Variants in CEP170B observed in about 807,000 individuals in gnomAD.
CEP170B encodes centrosomal protein 170B, also known as centrosomal protein of 170 kDa protein B.
In CEP170B, 55 loss-of-function variants were observed where a neutral mutation model predicts 120.6. The observed-to-expected ratio is 0.46, with a 90% CI of 0.37 to 0.57. CEP170B has a LOEUF of 0.57. Ranked by LOEUF, CEP170B falls within the 20% of genes least tolerant of loss-of-function variation. The pLI, the probability that CEP170B is intolerant of heterozygous loss-of-function variation, is 0.00. For missense variants in CEP170B, 2,212 were observed against 2,253.3 expected, an observed-to-expected ratio of 0.98 and a Z score of 0.37; for synonymous variants, 1,033 against 954.5, an observed-to-expected ratio of 1.08 and a Z score of -1.52.
intron 9 of CEP170B, 110 bp from the exon 10 acceptor site, chr14:104,885,259 G>A: frequency 9.3e-6 from 12 of 1,296,682 alleles, no homozygotes; most frequent in Non-Finnish European, 1.0e-5. Context: ...AGCCACTCTG[G>A]CCAACCAGGT....
Position 104,884,112 on chromosome 14 carries a change from C to A in CEP170B, c.1333C>A (p.Arg445Ser). 1 of 1,574,444 alleles carries A rather than the reference C, an allele frequency of 6.4e-7. No individual in the cohort carries two copies. The highest frequency in any genetic ancestry group is 8.6e-7 in the Non-Finnish European group (1 of 1,160,660). ...RRGPTPADRD[R>S]PSVPAPVQAG... Reference sequence around the variant, plus strand: ...TGGCCCAACGCCGGCCGATAGGGACCGCCCCAGTGTCCCAGCCCCAGTCCA... The same window carrying A: ...TGGCCCAACGCCGGCCGATAGGGACAGCCCCAGTGTCCCAGCCCCAGTCCA... The change falls in exon 9 of 19, where the codon CGC (arginine) becomes AGC (serine). Residue 445 changes from arginine to serine, a missense_variant. Around this residue, in one of 2 missense-constraint regions of CEP170B, gnomAD observed 2,166 missense variants for 2,166.7 expected, o/e 1.00. Coordinates refer to ENST00000414716, the MANE Select transcript of CEP170B (RefSeq NM_001112726.3).
chr14:104,874,999 G>A (rs1895762754), intron 2 of CEP170B, among the ~76,000 whole-genome samples: 1 of 152,222 alleles, frequency 6.6e-6, no homozygotes, highest in Non-Finnish European at 1.5e-5. Flanking sequence ...AGTTAGGAAG[G>A]AGGCCCTGCC....
chr14:104,886,393 CAGG>C lies in CEP170B; in HGVS notation c.2160_2162del (p.Arg720del). ...ACAGCCCTGCGGGCCCAGAGAGCAG[CAGG>C]AGGAGTGGGCCTGGGCCACCGGAGC... On this transcript the variant is annotated inframe_deletion, in exon 12 of 19. Transcript: ENST00000414716. The C allele has an allele frequency of 2.5e-6, 4 of 1,582,950 alleles. No homozygotes were observed. The highest frequency in any genetic ancestry group is 2.3e-5 in the South Asian group (2 of 86,828).
At chr14:104,883,798 G>T in intron 8 of CEP170B, 33 bp from the exon 9 acceptor site, 1 of 1,494,138 alleles carries the variant, frequency 6.7e-7, no homozygotes. Context: ...CTTTCTCTCG[G>T]CCTGACAAGG....
Position 104,867,842 on chromosome 14 carries a change from C to T in CEP170B, c.-27-582C>T, listed in dbSNP as rs1373347891. ...CACCAAAGGACATTTGGCCTCCTCTCGGTGGTGGACATATTGCTGACTCAG... is the reference window on the plus strand; with the variant it reads ...CACCAAAGGACATTTGGCCTCCTCTTGGTGGTGGACATATTGCTGACTCAG... On this transcript the variant is annotated intron_variant, in intron 1 of 18. Coordinates refer to ENST00000414716, the MANE Select transcript of CEP170B (RefSeq NM_001112726.3). The surrounding 1 kb of genome is among the most constrained non-coding windows in gnomAD (Gnocchi z 5.4). Among the ~76,000 whole-genome samples the T allele has an allele frequency of 1.3e-5, 2 of 152,076 alleles. No individual in the cohort carries two copies. Among genetic ancestry groups the T allele is most frequent in the East Asian group, 1.9e-4 (1 of 5,190 alleles).
chr14:104,877,812 CA>C, intron 3 of CEP170B, 72 bp from the exon 4 acceptor site: 1 of 653,724 alleles, frequency 1.5e-6, no homozygotes. Flanking sequence ...TCAGCCCCAC[CA>C]CCCTGCGGCC....
rs1424254501 is a variant in CEP170B, at chr14:104,884,376, C to T, written c.1597C>T (p.His533Tyr). ...PPVLPAPLTP[H>Y]GTSPVGPPTP... is the part of the protein sequence containing the mutation. ...GGTGCTGCCCGCTCCCCTGACACCC[C>T]ATGGGACCAGCCCCGTGGGCCCCCC... is the stretch of plus-strand genomic sequence containing the variant. Residue 533 changes from histidine (H) to tyrosine (Y), a missense_variant, in exon 9 of 19, where the codon CAT becomes TAT. Around this residue, in one of 2 missense-constraint regions of CEP170B, gnomAD observed 2,166 missense variants for 2,166.7 expected, o/e 1.00. Transcript: ENST00000414716. The T allele has an allele frequency of 6.5e-7, 1 of 1,547,140 alleles. No homozygotes were observed. The highest frequency in any genetic ancestry group is 8.7e-7 in the Non-Finnish European group (1 of 1,146,308).
At position 104,895,167 on chromosome 14, in the gene CEP170B, A is replaced by C. The variant is rs1458890009; in HGVS notation, c.*209A>C. 119 of 492,988 alleles carry C rather than the reference A, an allele frequency of 2.4e-4. No homozygotes were observed. Among genetic ancestry groups the C allele is most frequent in the African/African-American group, 1.0e-3 (44 of 41,988 alleles). 30.5% of individuals were successfully genotyped at this position (492,988 alleles called of 1,614,324 possible). On this transcript the variant is annotated 3_prime_UTR_variant, in exon 19 of 19. Coordinates refer to ENST00000414716, the MANE Select transcript of CEP170B (RefSeq NM_001112726.3). ...CCTGTCCAGCCCCATGGCCACCCCC[A>C]CCCCTGCCTCGCCCCCTACAGGCCT...
Position 104,889,606 on chromosome 14 carries a change from C to A in CEP170B, c.3740-14C>A. The A allele has an allele frequency of 6.2e-7, 1 of 1,609,740 alleles. No homozygotes were observed. On this transcript the variant is annotated splice_polypyrimidine_tract_variant and intron_variant, in intron 12 of 18. Coordinates refer to ENST00000414716, the MANE Select transcript of CEP170B (RefSeq NM_001112726.3). ...ACGGCTCCCCCAAACACACACGCTC[C>A]CACACCTCAACAGCCACTCAGACCC...
At chr14:104,888,682 T>A (rs1276157161) in intron 12 of CEP170B, among the ~76,000 whole-genome samples, 4 of 152,186 alleles carry the variant, frequency 2.6e-5, no homozygotes, top group African/African-American at 9.7e-5. Context: ...TGGTTTGAGG[T>A]CAAGGTGCTG....
Position 104,884,226 on chromosome 14 carries a change from T to C in CEP170B, c.1447T>C (p.Ser483Pro), listed in dbSNP as rs1896325331. Reference protein sequence around the residue: ...EERLGSPSPASRTPARPFGSV... With the variant: ...EERLGSPSPAPRTPARPFGSV... ...ACGGCTGGGCAGCCCCTCGCCCGCC[T>C]CCCGAACCCCTGCCCGCCCCTTCGG... is the stretch of plus-strand genomic sequence containing the variant. The change falls in exon 9 of 19, where the codon TCC becomes CCC. Residue 483 changes from serine (S) to proline (P), a missense_variant. Around this residue, in one of 2 missense-constraint regions of CEP170B, gnomAD observed 2,166 missense variants for 2,166.7 expected, o/e 1.00. Coordinates refer to ENST00000414716, the MANE Select transcript of CEP170B (RefSeq NM_001112726.3). 6.5e-7 allele frequency: 1 copy of C among 1,542,036 alleles called. No individual in the cohort carries two copies. The highest frequency in any genetic ancestry group is 8.7e-7 in the Non-Finnish European group (1 of 1,146,654).
rs1286225373 is a variant in CEP170B, at chr14:104,896,556, C to G, written c.*1598C>G. ...TTTAAGTTCACAAGTTCCTGCTCCT[C>G]CCCACACTGAGCTCCTTTGTTCCTC... On this transcript the variant is annotated 3_prime_UTR_variant, in exon 19 of 19. Coordinates refer to ENST00000414716, the MANE Select transcript of CEP170B (RefSeq NM_001112726.3). 1 of 456,034 alleles carries G rather than the reference C, an allele frequency of 2.2e-6. No individual in the cohort carries two copies. The highest frequency in any genetic ancestry group is 4.4e-6 in the Non-Finnish European group (1 of 226,898). 28.2% of individuals were successfully genotyped at this position (456,034 alleles called of 1,614,324 possible). A position where few individuals can be genotyped will look rare whatever the true frequency, so the allele number is the denominator to read the frequency against.
intron 13 of CEP170B, among the ~76,000 whole-genome samples, chr14:104,890,981 ATGGATGGG>A: frequency 2.0e-5 from 1 of 49,994 alleles, no homozygotes; most frequent in South Asian, 8.0e-4. Context: ...GGGTGTGTGG[ATGGATGGG>A]TGGGTGGGTG....
Position 104,884,565 on chromosome 14 carries a change from G to C in CEP170B, c.1770+16G>C. On this transcript the variant is annotated intron_variant, in intron 9 of 18. Transcript: ENST00000414716. ...GATCGACCAGGTGCAGCCCAGCGGC[G>C]AGTGAGAGCCCTCGTGGGGAACGGG... is the stretch of plus-strand genomic sequence containing the variant. 6.6e-7 allele frequency: 1 copy of C among 1,510,226 alleles called. No individual in the cohort carries two copies. Among genetic ancestry groups the C allele is most frequent in the Non-Finnish European group, 8.9e-7 (1 of 1,125,380 alleles). The allele number at this position is 1,510,226 out of a possible 1,614,324, so 93.6% of individuals were successfully genotyped here.
chr14:104,873,644 C>T (rs555898793), intron 2 of CEP170B, among the ~76,000 whole-genome samples: 1 of 152,070 alleles, frequency 6.6e-6, no homozygotes, highest in South Asian at 2.1e-4. Flanking sequence ...CGAGGCCCAG[C>T]GGGTCTGAGG....
chr14:104,886,752 T>G lies in CEP170B; in HGVS notation c.2513T>G (p.Val838Gly), dbSNP rs1479621348. Residue 838 changes from valine (V) to glycine (G), a missense_variant, in exon 12 of 19, where the codon GTC becomes GGC. This residue lies in a region of CEP170B where 2,166 missense variants were observed against 2,166.7 expected (regional missense o/e 1.00). Coordinates refer to ENST00000414716, the MANE Select transcript of CEP170B (RefSeq NM_001112726.3). ...PSPPARDGVY[V>G]SANGRMVIQL... The stretch of plus-strand genomic sequence containing the variant: ...CCCCCAGCACGGGATGGCGTCTATG[T>G]CAGTGCCAATGGGAGAATGGTCATC... 6.2e-7 allele frequency: 1 copy of G among 1,611,438 alleles called. No individual in the cohort carries two copies. Among genetic ancestry groups the G allele is most frequent in the Non-Finnish European group, 8.5e-7 (1 of 1,179,408 alleles).
In CEP170B at chr14:104,895,010, C is replaced by T. The variant is rs1897016543; in HGVS notation, c.*52C>T. On this transcript the variant is annotated 3_prime_UTR_variant, in exon 19 of 19. Transcript: ENST00000414716. ...CCTGTGCGTGTGCGTCTCTGCCTTC[C>T]GTCCGCCGCACACCCGCCTGCCTGG... The T allele has an allele frequency of 8.2e-6, 12 of 1,458,822 alleles. No individual in the cohort carries two copies. The highest frequency in any genetic ancestry group is 1.4e-5 in the African/African-American group (1 of 70,546). 90.4% of individuals were successfully genotyped at this position (1,458,822 alleles called of 1,614,324 possible). A position where few individuals can be genotyped will look rare whatever the true frequency, so the allele number is the denominator to read the frequency against.
intron 3 of CEP170B, 52 bp from the exon 4 acceptor site, chr14:104,877,833 G>GCCCCCCCCCCCC: frequency 6.7e-5 from 24 of 359,736 alleles, no homozygotes; most frequent in South Asian, 1.8e-4. Flanking sequence ...CCTGCCCACA[G>GCCCCCCCCCCCC]CCACCCACCC....
Position 104,886,363 on chromosome 14 carries a change from G to A in CEP170B, c.2124G>A (p.Arg708=), listed in dbSNP as rs375099899. Reference sequence around the variant, plus strand: ...GGCTCCCTCAGCTGCCCAGTGAGAGGGCTGACAGCCCTGCGGGCCCAGAGA... The same window carrying A: ...GGCTCCCTCAGCTGCCCAGTGAGAGAGCTGACAGCCCTGCGGGCCCAGAGA... ...RRRLPQLPSE[R]ADSPAGPESS... The change falls in exon 12 of 19, where the codon AGG becomes AGA. Residue 708 remains arginine, a synonymous_variant. Coordinates refer to ENST00000414716, the MANE Select transcript of CEP170B (RefSeq NM_001112726.3). 4.1e-5 allele frequency: 65 copies of A among 1,578,012 alleles called. No homozygotes were observed. The highest frequency in any genetic ancestry group is 5.2e-5 in the Non-Finnish European group (61 of 1,164,224).
Sources: allele counts gnomAD v4.1 joint callset (sites outside exome capture counted in the v4.1 genomes callset), GRCh38; gene constraint gnomAD v4.1.1; regional missense constraint gnomAD v4.1.1; non-coding constraint Gnocchi (gnomAD v3.1); transcripts MANE v1.5; gene names NCBI Gene and HGNC (gene_info 2026-07-23, HGNC 2026-07-21).